Variants in LMNA observed in about 807,000 individuals in gnomAD.
LMNA encodes lamin A/C.
LMNA carries 20 observed loss-of-function variants against 70.4 expected under a neutral mutation model. The ratio of observed to expected loss-of-function variants is 0.28; its 90% CI spans 0.20 to 0.41. The LOEUF is 0.41. Ranked by LOEUF, LMNA falls within the 10% of genes least tolerant of loss-of-function variation. The pLI, the probability that LMNA is intolerant of heterozygous loss-of-function variation, is 1.00. For missense variants in LMNA, 652 were observed against 917.2 expected (o/e 0.71, Z 3.73); for synonymous variants, 339 against 372.8 (o/e 0.91, Z 1.04).
At chr1:156,097,934 C>T (rs1405299850) in intron 3 of LMNA, among the ~76,000 whole-genome samples, 4 of 151,934 alleles carry the variant, frequency 2.6e-5, no homozygotes, top group East Asian at 1.9e-4. Flanking sequence ...GGCAGGGGTG[C>T]GTGTGCGTGT....
intron 3 of LMNA, among the ~76,000 whole-genome samples, chr1:156,095,206 G>A (rs1331783984): frequency 1.3e-5 from 2 of 152,160 alleles, no homozygotes; most frequent in African/African-American, 4.8e-5. Flanking sequence ...TGGGATTACA[G>A]GCGTTAGCCA....
At chr1:156,099,054 C>T (rs892084964) in intron 3 of LMNA, among the ~76,000 whole-genome samples, 1 of 152,086 alleles carries the variant, frequency 6.6e-6, no homozygotes, top group African/African-American at 2.4e-5. Context: ...GAGGTGACAA[C>T]TCAGCTGGGG....
chr1:156,096,336 A>G (rs1349716714), intron 3 of LMNA, among the ~76,000 whole-genome samples: 1 of 152,210 alleles, frequency 6.6e-6, no homozygotes, highest in Non-Finnish European at 1.5e-5. Context: ...ATTACCGCAC[A>G]TCTCTGAACC....
chr1:156,103,081 G>A lies in LMNA; in HGVS notation c.-206-11632G>A, dbSNP rs1389842984. Among the ~76,000 whole-genome samples, 2 of 152,308 alleles carry A rather than the reference G, an allele frequency of 1.3e-5. No homozygotes were observed. The highest frequency in any genetic ancestry group is 2.1e-4 in the South Asian group (1 of 4,832). ...AGCCCTCATCTATCCTTGCCTCAAG[G>A]TGGACCCATGGGGGCTGCAGCTGAG... On this transcript the variant is annotated intron_variant, in intron 3 of 12. Coordinates refer to the LMNA transcript ENST00000368301. The surrounding 1 kb of genome is among the most constrained non-coding windows in gnomAD (Gnocchi z 4.7).
chr1:156,105,308 C>T (rs1306003878), intron 3 of LMNA, among the ~76,000 whole-genome samples: 1 of 152,154 alleles, frequency 6.6e-6, no homozygotes, highest in Non-Finnish European at 1.5e-5. Flanking sequence ...AGACTCCTCC[C>T]AGCTCTGAAG....
chr1:156,132,738 T>C (rs1044790000), intron 2 of LMNA, among the ~76,000 whole-genome samples: 2 of 151,924 alleles, frequency 1.3e-5, no homozygotes, highest in Non-Finnish European at 1.5e-5. Flanking sequence ...CTCCCAGTTG[T>C]ACCCTTCCCC....
At chr1:156,127,686 AT>A (rs34481489) in intron 1 of LMNA, among the ~76,000 whole-genome samples, 46,132 of 125,684 alleles carry the variant, frequency 0.37, 8,227 homozygotes, top group African/African-American at 0.47. Flanking sequence ...ACCCAGCTAA[AT>A]TTTTTTTTTT....
In LMNA at chr1:156,136,479, G is replaced by C; in HGVS notation, c.1380+43G>C. The C allele has an allele frequency of 6.6e-7, 1 of 1,522,122 alleles. No homozygotes were observed. The highest frequency in any genetic ancestry group is 8.9e-7 in the Non-Finnish European group (1 of 1,124,526). The allele number at this position is 1,522,122 out of a possible 1,614,324, so 94.3% of individuals were successfully genotyped here. A position where few individuals can be genotyped will look rare whatever the true frequency, so the allele number is the denominator to read the frequency against. On this transcript the variant is annotated intron_variant, in intron 7 of 11. Transcript: ENST00000368300. The surrounding 1 kb of genome is among the most constrained non-coding windows in gnomAD (Gnocchi z 6.1). ...GTCTAAGGGGATACAGCTGCATCAG[G>C]GAGAGAGTGGCAAGACAGAAGGATG... is the stretch of plus-strand genomic sequence containing the variant.
At position 156,140,027 on chromosome 1, in the gene LMNA, A is replaced by G. The variant is rs1207552902; in HGVS notation, c.*921A>G. The G allele has an allele frequency of 3.7e-6, 2 of 538,130 alleles. No homozygotes were observed. Among genetic ancestry groups the G allele is most frequent in the Non-Finnish European group, 6.5e-6 (2 of 307,220 alleles). The allele number at this position is 538,130 out of a possible 1,614,324, so 33.3% of individuals were successfully genotyped here. On this transcript the variant is annotated 3_prime_UTR_variant, in exon 12 of 12. Transcript: ENST00000368300. ...AACGCTAAAGAGCCCTTGCCTCCCC[A>G]TTTCCCATCTGCACCCCTTCTCTCC...
intron 1 of LMNA, among the ~76,000 whole-genome samples, chr1:156,120,049 G>A (rs896562393): frequency 6.6e-6 from 1 of 152,108 alleles, no homozygotes; most frequent in African/African-American, 2.4e-5. Flanking sequence ...GTCAGAAGTG[G>A]GGAGATCCGA....
At chr1:156,114,024 G>T (rs1364230260), upstream of LMNA, among the ~76,000 whole-genome samples, 2 of 152,216 alleles carry the variant, frequency 1.3e-5, no homozygotes, top group Middle Eastern at 3.4e-3. Flanking sequence ...CGAATGCTTG[G>T]CTTTGAAGAG....
Position 156,117,969 on chromosome 1 carries a change from ATTT to A in LMNA, c.356+2718_356+2720del, listed in dbSNP as rs1186679791. Among the ~76,000 whole-genome samples, 381 of 91,920 alleles carry A rather than the reference ATTT, an allele frequency of 4.1e-3. 1 individual carries two copies. Among genetic ancestry groups the A allele is most frequent in the African/African-American group, 0.015 (345 of 22,754 alleles). 60.3% of individuals were successfully genotyped at this position (91,920 alleles called of 152,430 possible). A position where few individuals can be genotyped will look rare whatever the true frequency, so the allele number is the denominator to read the frequency against. On this transcript the variant is annotated intron_variant, in intron 1 of 11. Transcript: ENST00000368300. ...GGGCAGGCACCACCACGCTTGGCTA[ATTT>A]TTTTTTTTTTTTTTTTTTTTTTGCT...
At chr1:156,093,989 A>C (rs1648810580) in intron 3 of LMNA, among the ~76,000 whole-genome samples, 1 of 151,536 alleles carries the variant, frequency 6.6e-6, no homozygotes, top group African/African-American at 2.4e-5. Flanking sequence ...CCCTCATCTG[A>C]TCTCCAAGGG....
At chr1:156,100,725 G>T (rs746718671) in intron 3 of LMNA, among the ~76,000 whole-genome samples, 1 of 151,956 alleles carries the variant, frequency 6.6e-6, no homozygotes, top group African/African-American at 2.4e-5. Context: ...TTGGTGAGGG[G>T]GCTATGATGA....
rs879567156 is a variant in LMNA at position 156,139,500 on chromosome 1, G to A, written c.*394G>A. 3.5e-5 allele frequency: 46 copies of A among 1,332,524 alleles called. No individual in the cohort carries two copies. In the Middle Eastern group the frequency reaches 8.6e-4, roughly 25 times the overall value. The allele number at this position is 1,332,524 out of a possible 1,614,324, so 82.5% of individuals were successfully genotyped here. The stretch of plus-strand genomic sequence containing the variant: ...CTGCTGCCCCCACCCCGGGGACCCT[G>A]TGACATGGTGCCTGAGAGGCAGGCA... On this transcript the variant is annotated 3_prime_UTR_variant, in exon 12 of 12. Coordinates refer to ENST00000368300, the MANE Select transcript of LMNA (RefSeq NM_170707.4).
chr1:156,134,662 G>T lies in LMNA; in HGVS notation c.639+134G>T. ...CCCTAGTGGACAGGGAGTTGGGGGT[G>T]GCCAGCACTCAGCTCCCAGGTTAAA... is the stretch of plus-strand genomic sequence containing the variant. On this transcript the variant is annotated intron_variant, in intron 3 of 11. Coordinates refer to ENST00000368300, the MANE Select transcript of LMNA (RefSeq NM_170707.4). This position sits in a 1 kb window ranked among gnomAD's most constrained non-coding sequence, Gnocchi z 5.3. The T allele has an allele frequency of 6.5e-7, 1 of 1,535,720 alleles. No homozygotes were observed. The highest frequency in any genetic ancestry group is 9.0e-7 in the Non-Finnish European group (1 of 1,113,508).
intron 1 of LMNA, among the ~76,000 whole-genome samples, chr1:156,122,511 C>T (rs1313621123): frequency 7.9e-5 from 12 of 152,214 alleles, no homozygotes; most frequent in East Asian, 1.9e-4. Flanking sequence ...TCTATTTCCC[C>T]GTGAAAGTTT....
At chr1:156,123,621 A>C (rs1474092481) in intron 1 of LMNA, among the ~76,000 whole-genome samples, 1 of 150,992 alleles carries the variant, frequency 6.6e-6, no homozygotes, top group African/African-American at 2.4e-5. Flanking sequence ...TCCTCCAGGC[A>C]CTACTTCTTT....
At position 156,129,720 on chromosome 1, in the gene LMNA, C is replaced by T. The variant is rs948661667; in HGVS notation, c.357-897C>T. 4.7e-6 allele frequency: 3 copies of T among 637,230 alleles called. No individual in the cohort carries two copies. In the African/African-American group the frequency reaches 5.5e-5, roughly 12 times the overall value. The allele number at this position is 637,230 out of a possible 1,614,324, so 39.5% of individuals were successfully genotyped here. On this transcript the variant is annotated intron_variant, in intron 1 of 11. Coordinates refer to ENST00000368300, the MANE Select transcript of LMNA (RefSeq NM_170707.4). Reference sequence around the variant, plus strand: ...AGAAAATAGGACCTTTCTATTTCTCCAGTCCACTAGCAAAAATAATCAGGG... The same window carrying T: ...AGAAAATAGGACCTTTCTATTTCTCTAGTCCACTAGCAAAAATAATCAGGG...
Sources: allele counts gnomAD v4.1 joint callset (sites outside exome capture counted in the v4.1 genomes callset), GRCh38; gene constraint gnomAD v4.1.1; non-coding constraint Gnocchi (gnomAD v3.1); transcripts MANE v1.5; gene names NCBI Gene and HGNC (gene_info 2026-07-23, HGNC 2026-07-21).